Variants in TP63 observed in about 807,000 individuals in gnomAD.
The protein encoded by TP63 is tumor protein 63.
TP63 carries 17 observed loss-of-function variants against 82.8 expected under a neutral mutation model. That is an observed-to-expected ratio of 0.21 (90% CI 0.14 to 0.31). The LOEUF (loss-of-function observed/expected upper bound fraction) is 0.31, where lower values mean the gene tolerates loss of function less well. TP63 is among the 10% of genes least tolerant of loss of function. The pLI, the probability that TP63 is intolerant of heterozygous loss-of-function variation, is 1.00. For synonymous variants in TP63, 330 were observed against 321.7 expected (o/e 1.03, Z -0.28); for missense variants, 648 against 895.3 (o/e 0.72, Z 3.52).
intron 1 of TP63, among the ~76,000 whole-genome samples, chr3:189,701,921 T>G (rs78774029): frequency 0.017 from 2,542 of 152,282 alleles, 74 homozygotes; most frequent in African/African-American, 0.056. Flanking sequence ...TTCTTCTTTT[T>G]CCATGTAGGT....
At chr3:189,871,706 C>T (rs915116728) in intron 9 of TP63, among the ~76,000 whole-genome samples, 41 of 152,226 alleles carry the variant, frequency 2.7e-4, no homozygotes, top group African/African-American at 9.1e-4. Flanking sequence ...AGTCCTGGCC[C>T]GGCTCATCCG....
At chr3:189,708,529 T>TA (rs1285332122) in intron 1 of TP63, among the ~76,000 whole-genome samples, 1 of 152,178 alleles carries the variant, frequency 6.6e-6, no homozygotes, top group Non-Finnish European at 1.5e-5. Context: ...GACATGTCCT[T>TA]ACTGAGAGAT....
rs1227647339 is a variant in TP63 at position 189,886,269 on chromosome 3, T to A, written c.1350-125T>A. On this transcript the variant is annotated intron_variant, in intron 10 of 13. Transcript: ENST00000264731. The stretch of plus-strand genomic sequence containing the variant: ...AACAAAATTAACTTCTTACCATTAA[T>A]CCTAGAAGAATGTTTTCAAATGTTT... The A allele has an allele frequency of 8.1e-6, 9 of 1,117,390 alleles. No homozygotes were observed. In the Admixed American group the frequency reaches 1.5e-4, roughly 19 times the overall value. 69.2% of individuals were successfully genotyped at this position (1,117,390 alleles called of 1,614,324 possible).
At chr3:189,639,766 C>T (rs895190149) in intron 1 of TP63, among the ~76,000 whole-genome samples, 6 of 151,916 alleles carry the variant, frequency 3.9e-5, no homozygotes, top group Admixed American at 6.6e-5. Flanking sequence ...GCCATATGGC[C>T]GGCTAGAAAA....
intron 10 of TP63, among the ~76,000 whole-genome samples, chr3:189,875,101 C>T (rs1276218996): frequency 1.4e-5 from 2 of 147,164 alleles, no homozygotes; most frequent in Non-Finnish European, 3.0e-5. Flanking sequence ...TCTATATTGT[C>T]TTTTGCAACT....
intron 4 of TP63, among the ~76,000 whole-genome samples, chr3:189,842,601 A>T (rs547603432): frequency 6.6e-6 from 1 of 152,214 alleles, no homozygotes; most frequent in Non-Finnish European, 1.5e-5. Flanking sequence ...AGGGGAGCAC[A>T]TAGATGTCCA....
intron 1 of TP63, among the ~76,000 whole-genome samples, chr3:189,646,458 T>C (rs532109712): frequency 6.8e-6 from 1 of 147,786 alleles, no homozygotes; most frequent in African/African-American, 2.5e-5. Context: ...CATATGGTAT[T>C]TACATTTACT....
At chr3:189,872,557 C>T (rs1718559841) in intron 9 of TP63, among the ~76,000 whole-genome samples, 1 of 151,916 alleles carries the variant, frequency 6.6e-6, no homozygotes. Context: ...AAATGTAAAA[C>T]ACGTGGCGCT....
chr3:189,866,339 C>T (rs1456165538), intron 5 of TP63, among the ~76,000 whole-genome samples: 1 of 152,050 alleles, frequency 6.6e-6, no homozygotes, highest in African/African-American at 2.4e-5. Flanking sequence ...GCTTATTTCC[C>T]TTTCATTTTC....
At chr3:189,680,985 A>G (rs1292894540) in intron 1 of TP63, among the ~76,000 whole-genome samples, 2 of 152,184 alleles carry the variant, frequency 1.3e-5, no homozygotes, top group Non-Finnish European at 2.9e-5. Context: ...GGTCCACAGT[A>G]AAGTCAGGTG....
intron 1 of TP63, among the ~76,000 whole-genome samples, chr3:189,722,575 C>A (rs1044645380): frequency 2.7e-5 from 4 of 149,466 alleles, no homozygotes; most frequent in Non-Finnish European, 3.0e-5. Flanking sequence ...AGGCAGGGCT[C>A]TGAACTCTGT....
chr3:189,736,544 A>G (rs75662207), intron 1 of TP63, among the ~76,000 whole-genome samples: 6,742 of 152,140 alleles, frequency 0.044, 456 homozygotes, highest in East Asian at 0.15. Context: ...CTGCTAACAC[A>G]TTTACTGTAG....
chr3:189,821,826 C>T (rs546624163), intron 4 of TP63, among the ~76,000 whole-genome samples: 2 of 152,244 alleles, frequency 1.3e-5, no homozygotes, highest in African/African-American at 4.8e-5. Context: ...CTGCTAATTA[C>T]GAGATATCGT....
At chr3:189,717,563 A>G (rs1047729086) in intron 1 of TP63, among the ~76,000 whole-genome samples, 5 of 152,224 alleles carry the variant, frequency 3.3e-5, no homozygotes, top group African/African-American at 1.2e-4. Flanking sequence ...TACACTAAAA[A>G]TATGACCTCA....
rs150093482 is a variant in TP63 at position 189,751,158 on chromosome 3, T to C, written c.324+12384T>C. On this transcript the variant is annotated intron_variant, in intron 3 of 13. Coordinates refer to ENST00000264731, the MANE Select transcript of TP63 (RefSeq NM_003722.5). Reference sequence around the variant, plus strand: ...TGCAAAGGACATGAACTTATCCTTTTTTATGGCTGCATAGTATTCCATGGT... The same window carrying C: ...TGCAAAGGACATGAACTTATCCTTTCTTATGGCTGCATAGTATTCCATGGT... 3.5e-3 allele frequency among the ~76,000 whole-genome samples: 530 copies of C among 152,348 alleles called. 18 individuals carry two copies. In the East Asian group the frequency reaches 0.081, roughly 23 times the overall value.
chr3:189,810,488 T>C (rs991127591), intron 4 of TP63, among the ~76,000 whole-genome samples: 1 of 152,106 alleles, frequency 6.6e-6, no homozygotes, highest in Non-Finnish European at 1.5e-5. Flanking sequence ...TAGAAAACCA[T>C]GGGGATGAAT....
At chr3:189,753,055 A>G (rs1381091348) in intron 3 of TP63, among the ~76,000 whole-genome samples, 3 of 152,126 alleles carry the variant, frequency 2.0e-5, no homozygotes, top group East Asian at 3.8e-4. Context: ...TTGTTTCTAG[A>G]GTCATGATAT....
At chr3:189,750,278 A>G (rs1370296678) in intron 3 of TP63, among the ~76,000 whole-genome samples, 1 of 152,172 alleles carries the variant, frequency 6.6e-6, no homozygotes, top group African/African-American at 2.4e-5. Context: ...ATCTCATGGA[A>G]GTAGAGAGTA....
At chr3:189,681,929 A>G (rs1200138758) in intron 1 of TP63, among the ~76,000 whole-genome samples, 1 of 152,164 alleles carries the variant, frequency 6.6e-6, no homozygotes, top group Admixed American at 6.6e-5. Context: ...AGCAATGCAA[A>G]GGCTTTGAAA....
Sources: gnomAD v4.1 joint callset for allele counts (sites outside exome capture counted in the v4.1 genomes callset) on GRCh38, gnomAD v4.1.1 for gene constraint, MANE v1.5 for transcripts, NCBI Gene and HGNC (gene_info 2026-07-23, HGNC 2026-07-21) for gene names.